GLG1: variants seen among roughly 807,000 people sequenced by gnomAD.
GLG1 encodes Golgi apparatus protein 1.
Under a neutral mutation model 160.5 loss-of-function variants are expected in GLG1, and 38 were observed. The observed-to-expected ratio is 0.24, with a 90% CI of 0.18 to 0.31. The LOEUF (loss-of-function observed/expected upper bound fraction) is 0.31. GLG1 is among the 10% of genes least tolerant of loss of function. GLG1 has a pLI of 1.00. For synonymous variants in GLG1, 644 were observed against 543.4 expected, an observed-to-expected ratio of 1.19 and a Z score of -2.57; for missense variants, 1,373 against 1,505.2, an observed-to-expected ratio of 0.91 and a Z score of 1.45.
intron 3 of GLG1, among the ~76,000 whole-genome samples, chr16:74,506,096 T>TTA (rs1489866463): frequency 4.0e-5 from 6 of 150,272 alleles, no homozygotes; most frequent in Non-Finnish European, 8.9e-5. Flanking sequence ...TTTTTTTTTT[T>TTA]TTTTTTGCCG....
chr16:74,578,221 A>G (rs1292677186), intron 1 of GLG1, among the ~76,000 whole-genome samples: 1 of 152,200 alleles, frequency 6.6e-6, no homozygotes, highest in East Asian at 1.9e-4. Context: ...AGACTGAAAC[A>G]AGAAGGAAAT....
At chr16:74,555,674 G>A (rs960569925) in intron 1 of GLG1, among the ~76,000 whole-genome samples, 1 of 151,998 alleles carries the variant, frequency 6.6e-6, no homozygotes, top group Non-Finnish European at 1.5e-5. Flanking sequence ...GGGCAACAGA[G>A]AGAGATCCCT....
At chr16:74,604,353 A>C (rs761521196) in intron 1 of GLG1, among the ~76,000 whole-genome samples, 17 of 152,222 alleles carry the variant, frequency 1.1e-4, no homozygotes, top group Non-Finnish European at 2.2e-4. Flanking sequence ...AGAATTCGGA[A>C]GGGTGTGCAC....
At chr16:74,598,301 C>T (rs904889232) in intron 1 of GLG1, among the ~76,000 whole-genome samples, 1 of 147,864 alleles carries the variant, frequency 6.8e-6, no homozygotes, top group Non-Finnish European at 1.5e-5. Context: ...GCGGGCGGAT[C>T]ACGAGGTCAA....
chr16:74,477,504 T>G lies in GLG1; in HGVS notation c.1857A>C (p.Gln619His). ...RLSRECRAEV[Q>H]RILHQRAMDV... ...CCATGGCACGCTGGTGTAGGATCCT[T>G]TGGACTTCAGCTCGGCACTCCCGTG... is the stretch of plus-strand genomic sequence containing the variant. The change falls in exon 12 of 26, where the codon CAA becomes CAC. Residue 619 changes from glutamine to histidine, a missense_variant. Physicochemically the swap from Gln to His is conservative, Grantham distance 24. This residue lies in a region of GLG1 where 386 missense variants were observed against 388.5 expected (regional missense o/e 0.99). Transcript: ENST00000422840. The G allele has an allele frequency of 6.2e-7, 1 of 1,613,326 alleles. No individual in the cohort carries two copies. Among genetic ancestry groups the G allele is most frequent in the Non-Finnish European group, 8.5e-7 (1 of 1,179,368 alleles).
At chr16:74,561,526 G>T (rs1477830220) in intron 1 of GLG1, among the ~76,000 whole-genome samples, 1 of 152,072 alleles carries the variant, frequency 6.6e-6, no homozygotes, top group Non-Finnish European at 1.5e-5. Context: ...AAAGAGACTG[G>T]TTTATAAAAC....
intron 1 of GLG1, among the ~76,000 whole-genome samples, chr16:74,559,112 C>T (rs991864477): frequency 3.3e-5 from 5 of 152,158 alleles, no homozygotes; most frequent in African/African-American, 9.7e-5. Flanking sequence ...TTCACGCAGT[C>T]TTCCTGCCAC....
At chr16:74,584,788 C>T (rs187048085) in intron 1 of GLG1, among the ~76,000 whole-genome samples, 116 of 151,992 alleles carry the variant, frequency 7.6e-4, no homozygotes, top group Admixed American at 2.6e-3. Flanking sequence ...TGGTGGTGCG[C>T]GCCTGTAGTC....
chr16:74,485,718 A>C (rs2015764852), intron 9 of GLG1, 78 bp downstream of exon 9: 2 of 1,381,988 alleles, frequency 1.4e-6, no homozygotes, highest in Non-Finnish European at 2.0e-6. Context: ...CAACCACCCA[A>C]AAGTCATTTG....
intron 6 of GLG1, among the ~76,000 whole-genome samples, chr16:74,494,303 A>C (rs2016105014): frequency 6.6e-6 from 1 of 152,102 alleles, no homozygotes; most frequent in African/African-American, 2.4e-5. Flanking sequence ...AAATATGCTT[A>C]AAACCCAAGT....
chr16:74,462,407 A>T, intron 21 of GLG1, 81 bp downstream of exon 21: 1 of 1,338,846 alleles, frequency 7.5e-7, no homozygotes, highest in Non-Finnish European at 1.1e-6. Context: ...AACGGGAGCA[A>T]GCTAGGGATT....
chr16:74,574,326 G>A (rs1050755447), intron 1 of GLG1, among the ~76,000 whole-genome samples: 2 of 152,080 alleles, frequency 1.3e-5, no homozygotes, highest in Admixed American at 6.6e-5. Flanking sequence ...GTTCTTCTAC[G>A]GTATATTCAG....
chr16:74,517,396 T>C (rs1406746260), intron 2 of GLG1, among the ~76,000 whole-genome samples: 2 of 152,192 alleles, frequency 1.3e-5, no homozygotes, highest in Admixed American at 6.5e-5. Flanking sequence ...TGGTTCAACA[T>C]ATGCAAATCA....
intron 1 of GLG1, among the ~76,000 whole-genome samples, chr16:74,547,061 A>G (rs192019973): frequency 2.8e-4 from 43 of 152,256 alleles, no homozygotes; most frequent in African/African-American, 9.9e-4. Context: ...AAGAATAGGA[A>G]GTTGACTTCC....
chr16:74,506,141 G>A lies in GLG1; in HGVS notation c.559-2395C>T, dbSNP rs559952924. ...GACTTAAGTTTGAAAAGTGAAAGGA[G>A]GAATAGATGCTTGAAAATCCCAGCA... On this transcript the variant is annotated intron_variant, in intron 3 of 25. Coordinates refer to ENST00000422840, the MANE Select transcript of GLG1 (RefSeq NM_001145667.2). 3.4e-5 allele frequency among the ~76,000 whole-genome samples: 5 copies of A among 147,236 alleles called. No homozygotes were observed. In the South Asian group the frequency reaches 1.1e-3, roughly 32 times the overall value.
At chr16:74,563,458 G>C (rs747524743) in intron 1 of GLG1, 2 of 152,282 alleles carry the variant, frequency 1.3e-5, no homozygotes, top group African/African-American at 2.4e-5. Context: ...GCTGGACGCA[G>C]TGGCTCATGC....
intron 10 of GLG1, 98 bp downstream of exon 10, chr16:74,482,925 A>C (rs565754781): frequency 4.0e-6 from 3 of 751,476 alleles, no homozygotes; most frequent in Non-Finnish European, 7.1e-6. Context: ...CTGAACAAAA[A>C]GAGTTTCCTA....
In GLG1 at chr16:74,463,750, G is replaced by T. The variant is rs555417733; in HGVS notation, c.2668-271C>A. On this transcript the variant is annotated intron_variant, in intron 19 of 25. Coordinates refer to ENST00000422840, the MANE Select transcript of GLG1 (RefSeq NM_001145667.2). ...TGTTTTTTTTGTTGTTGTTGTTGTT[G>T]TTTTAGCAGAGATGAGGTTTCACCA... 1,195 of 414,338 alleles carry T rather than the reference G, an allele frequency of 2.9e-3. 20 individuals carry two copies. The highest frequency in any genetic ancestry group is 0.021 in the South Asian group (809 of 39,098). The allele number at this position is 414,338 out of a possible 1,614,324, so 25.7% of individuals were successfully genotyped here.
At position 74,462,152 on chromosome 16, in the gene GLG1, T is replaced by A. The variant is rs2014823015; in HGVS notation, c.2978A>T (p.Gln993Leu). 6.2e-7 allele frequency: 1 copy of A among 1,609,580 alleles called. No homozygotes were observed. Among genetic ancestry groups the A allele is most frequent in the Non-Finnish European group, 8.5e-7 (1 of 1,176,122 alleles). ...DCEDQIRIII[Q>L]ESALDYRLDP... The stretch of plus-strand genomic sequence containing the variant: ...CAGGCGGTAGTCCAGGGCGGACTCC[T>A]GGATAATGATTCGGATCTGGTCTTC... Residue 993 changes from glutamine to leucine, a missense_variant, in exon 22 of 26, where the codon CAG becomes CTG. By Grantham distance (113) the Gln-to-Leu change is moderately radical. This residue lies in a region of GLG1 where 491 missense variants were observed against 632.1 expected (regional missense o/e 0.78). Coordinates refer to ENST00000422840, the MANE Select transcript of GLG1 (RefSeq NM_001145667.2).
Sources: allele counts gnomAD v4.1 joint callset (sites outside exome capture counted in the v4.1 genomes callset), GRCh38; gene constraint gnomAD v4.1.1; regional missense constraint gnomAD v4.1.1; transcripts MANE v1.5; gene names NCBI Gene and HGNC (gene_info 2026-07-23, HGNC 2026-07-21).